Variants in CDH8 observed in about 807,000 individuals in gnomAD.
CDH8 encodes the protein cadherin-8.
In CDH8, 17 loss-of-function variants were observed where a neutral mutation model predicts 68.1. The observed-to-expected ratio is 0.25, with a 90% CI of 0.17 to 0.37. The LOEUF (loss-of-function observed/expected upper bound fraction) is 0.37. Ranked by LOEUF, CDH8 falls within the 10% of genes least tolerant of loss-of-function variation. The pLI is 1.00. For synonymous variants in CDH8, 372 were observed against 365.1 expected (o/e 1.02, Z -0.21); for missense variants, 763 against 999.3 (o/e 0.76, Z 3.19).
At chr16:61,846,950 T>G (rs933120870) in intron 4 of CDH8, among the ~76,000 whole-genome samples, 10 of 152,126 alleles carry the variant, frequency 6.6e-5, no homozygotes. Flanking sequence ...CGCATCTTTA[T>G]GTTCCTGGTC....
At chr16:61,749,925 A>T (rs1052729335) in intron 8 of CDH8, among the ~76,000 whole-genome samples, 1 of 152,060 alleles carries the variant, frequency 6.6e-6, no homozygotes, top group Non-Finnish European at 1.5e-5. Context: ...ATTTTATTTT[A>T]GATTCAAGAG....
intron 3 of CDH8, among the ~76,000 whole-genome samples, chr16:61,892,943 C>CT: frequency 6.6e-6 from 1 of 152,274 alleles, no homozygotes; most frequent in Non-Finnish European, 1.5e-5. Context: ...AGTTATAGAG[C>CT]TGAACTTGTA....
intron 4 of CDH8, among the ~76,000 whole-genome samples, chr16:61,852,452 C>A (rs1429659930): frequency 1.3e-5 from 2 of 152,030 alleles, no homozygotes; most frequent in Non-Finnish European, 2.9e-5. Flanking sequence ...GTCCCAGAAC[C>A]TTTCTATCTC....
intron 8 of CDH8, among the ~76,000 whole-genome samples, chr16:61,788,453 C>T (rs924402774): frequency 6.6e-6 from 1 of 151,956 alleles, no homozygotes; most frequent in Non-Finnish European, 1.5e-5. Context: ...TTATTGTCTC[C>T]TTTGAATTTG....
chr16:61,953,971 C>A (rs1290495478), intron 2 of CDH8, among the ~76,000 whole-genome samples: 1 of 144,606 alleles, frequency 6.9e-6, no homozygotes, highest in African/African-American at 2.6e-5. Flanking sequence ...AGACTTTCTC[C>A]TTCAAATATC....
In CDH8 at chr16:61,713,976, ACG is replaced by A. The variant is rs1211257645; in HGVS notation, c.1537-20_1537-19del. ...TGAATGACCTGAAACATAAAACTTG[ACG>A]TCAGCATTTCTGATGATTTCAGAGG... On this transcript the variant is annotated intron_variant, in intron 9 of 11. Coordinates refer to ENST00000577390, the MANE Select transcript of CDH8 (RefSeq NM_001796.5). 7.7e-6 allele frequency: 11 copies of A among 1,426,634 alleles called. No individual in the cohort carries two copies. The highest frequency in any genetic ancestry group is 3.0e-6 in the Non-Finnish European group (3 of 1,010,352). The allele number at this position is 1,426,634 out of a possible 1,614,324, so 88.4% of individuals were successfully genotyped here.
At chr16:62,024,207 G>T (rs966598628) in intron 1 of CDH8, among the ~76,000 whole-genome samples, 10 of 151,980 alleles carry the variant, frequency 6.6e-5, no homozygotes, top group African/African-American at 2.4e-4. Context: ...AGCCTGCTTG[G>T]GGTTTGAGTT....
At position 61,875,618 on chromosome 16, in the gene CDH8, C is replaced by T. The variant is rs540882997; in HGVS notation, c.548-18380G>A. ...CCTTCTGAGTGAGGTAAGATAATTA[C>T]AAAGTTTCTAATTTTATAGAAAAGT... is the stretch of plus-strand genomic sequence containing the variant. On this transcript the variant is annotated intron_variant, in intron 3 of 11. Transcript: ENST00000577390. Among the ~76,000 whole-genome samples the T allele has an allele frequency of 7.2e-5, 11 of 152,270 alleles. No homozygotes were observed. In the East Asian group the frequency reaches 1.7e-3, roughly 24 times the overall value.
intron 2 of CDH8, among the ~76,000 whole-genome samples, chr16:62,006,274 A>G (rs1364596039): frequency 6.6e-6 from 1 of 152,190 alleles, no homozygotes; most frequent in Non-Finnish European, 1.5e-5. Flanking sequence ...CTTTGCTCCC[A>G]TTTCCACAAG....
At chr16:62,028,731 G>T (rs772806712) in intron 1 of CDH8, among the ~76,000 whole-genome samples, 3 of 120,792 alleles carry the variant, frequency 2.5e-5, no homozygotes, top group Non-Finnish European at 5.1e-5. Flanking sequence ...CCAGTATCAA[G>T]ATCATCCTAA....
intron 10 of CDH8, among the ~76,000 whole-genome samples, chr16:61,662,191 T>C (rs1160739067): frequency 6.6e-6 from 1 of 150,758 alleles, no homozygotes; most frequent in East Asian, 2.0e-4. Flanking sequence ...GGCTGTTCAC[T>C]ACCTCTAAAC....
At chr16:61,759,560 T>A (rs7187701) in intron 8 of CDH8, among the ~76,000 whole-genome samples, 1 of 151,914 alleles carries the variant, frequency 6.6e-6, no homozygotes, top group Non-Finnish European at 1.5e-5. Flanking sequence ...ATCAAGGAAC[T>A]AGTAACATGT....
intron 4 of CDH8, among the ~76,000 whole-genome samples, chr16:61,848,787 A>G (rs930577441): frequency 4.6e-5 from 7 of 152,122 alleles, no homozygotes; most frequent in Admixed American, 3.3e-4. Flanking sequence ...TGGGCATTTC[A>G]GACAAATCAA....
At chr16:61,817,428 T>G (rs1386375342) in intron 7 of CDH8, 51 bp downstream of exon 7, 2 of 1,592,636 alleles carry the variant, frequency 1.3e-6, no homozygotes, top group Non-Finnish European at 1.7e-6. Flanking sequence ...CATTTTTCAC[T>G]GATCTGCTTG....
intron 4 of CDH8, among the ~76,000 whole-genome samples, chr16:61,844,391 T>G (rs1962760018): frequency 1.3e-5 from 2 of 152,022 alleles, no homozygotes; most frequent in African/African-American, 2.4e-5. Context: ...GTAACAAACC[T>G]GCACGTTGTG....
At chr16:61,942,024 AG>A (rs890814644) in intron 2 of CDH8, among the ~76,000 whole-genome samples, 21 of 152,228 alleles carry the variant, frequency 1.4e-4, no homozygotes, top group African/African-American at 4.6e-4. Flanking sequence ...ACATCTAAAT[AG>A]TGGGTAAGAA....
At chr16:61,903,136 A>G (rs898002751) in intron 2 of CDH8, among the ~76,000 whole-genome samples, 5 of 152,228 alleles carry the variant, frequency 3.3e-5, no homozygotes, top group Admixed American at 6.5e-5. Context: ...TTAATTAACA[A>G]ATAAACTATT....
chr16:61,690,144 T>C (rs1964189999), intron 10 of CDH8, among the ~76,000 whole-genome samples: 1 of 152,120 alleles, frequency 6.6e-6, no homozygotes, highest in Non-Finnish European at 1.5e-5. Context: ...ATGCAATATT[T>C]ATGTTTTAAA....
Position 61,652,044 on chromosome 16 carries a change from A to T in CDH8, c.*1564T>A. 1.1e-6 allele frequency: 1 copy of T among 875,050 alleles called. No homozygotes were observed. The highest frequency in any genetic ancestry group is 5.3e-5 in the South Asian group (1 of 19,038). The allele number at this position is 875,050 out of a possible 1,614,324, so 54.2% of individuals were successfully genotyped here. A position where few individuals can be genotyped will look rare whatever the true frequency, so the allele number is the denominator to read the frequency against. On this transcript the variant is annotated 3_prime_UTR_variant, in exon 12 of 12. Coordinates refer to ENST00000577390, the MANE Select transcript of CDH8 (RefSeq NM_001796.5). ...AAAAATATATTTCACAAAGTAGGAA[A>T]CAATACAGGAGTTTCTCTGAATACA...
Sources: allele counts gnomAD v4.1 joint callset (sites outside exome capture counted in the v4.1 genomes callset), GRCh38; gene constraint gnomAD v4.1.1; transcripts MANE v1.5; gene names NCBI Gene and HGNC (gene_info 2026-07-23, HGNC 2026-07-21).